Variants in CD69 observed in about 807,000 individuals in gnomAD.
The protein encoded by CD69 is CD69 molecule.
Under a neutral mutation model 21.4 loss-of-function variants are expected in CD69, and 10 were observed. That is an observed-to-expected ratio of 0.47 (90% CI 0.29 to 0.79). The LOEUF (loss-of-function observed/expected upper bound fraction) is 0.79, where lower values mean the gene tolerates loss of function less well. Ranked by LOEUF, CD69 falls within the 30% of genes least tolerant of loss-of-function variation. The pLI is 0.09. For missense variants in CD69, 204 were observed against 236.9 expected (o/e 0.86, Z 0.91); for synonymous variants, 63 against 78.2 (o/e 0.81, Z 1.03).
Position 9,753,601 on chromosome 12 carries a change from TA to T in CD69, c.492-13del. 6 of 1,260,830 alleles carry T rather than the reference TA, an allele frequency of 4.8e-6. No homozygotes were observed. The highest frequency in any genetic ancestry group is 2.0e-5 in the Admixed American group (1 of 50,386). 78.1% of individuals were successfully genotyped at this position (1,260,830 alleles called of 1,614,324 possible). On this transcript the variant is annotated splice_polypyrimidine_tract_variant and intron_variant, in intron 4 of 4. Transcript: ENST00000228434. ...CTGTAACGTTGAACCTGTCAAACAA[TA>T]AAAAAACTTAGAATTATTTTCAGCT...
intron 4 of CD69, chr12:9,754,366 T>C (rs1866657978): frequency 3.0e-6 from 1 of 328,558 alleles, no homozygotes; most frequent in Non-Finnish European, 5.6e-6. Context: ...TGAGAAAAAT[T>C]ACTATAAGCA....
chr12:9,757,364 A>G (rs1866687964), intron 1 of CD69, among the ~76,000 whole-genome samples: 1 of 152,178 alleles, frequency 6.6e-6, no homozygotes. Context: ...TTCTTATAAA[A>G]TTAAATATAT....
chr12:9,754,691 C>T lies in CD69; in HGVS notation c.388-1G>A. The T allele has an allele frequency of 6.3e-7, 1 of 1,585,698 alleles. No individual in the cohort carries two copies. The highest frequency in any genetic ancestry group is 8.7e-7 in the Non-Finnish European group (1 of 1,154,154). ...TACCTGCGTATCGTTTTAGAAAGTT[C>T]TTAAAGAAAGCACAAAGGAGTTTGT... is the stretch of plus-strand genomic sequence containing the variant. On this transcript the variant is annotated splice_acceptor_variant, in intron 3 of 4. Transcript: ENST00000228434. LOFTEE classifies it high-confidence loss of function.
At chr12:9,754,926 G>C (rs1866665721) in intron 3 of CD69, 136 bp downstream of exon 3, 3 of 769,958 alleles carry the variant, frequency 3.9e-6, no homozygotes, top group Non-Finnish European at 6.3e-6. Context: ...TGGTTCTCTG[G>C]GATGACATTT....
Position 9,754,581 on chromosome 12 carries a change from A to G in CD69, c.491+6T>C. 1 of 1,541,666 alleles carries G rather than the reference A, an allele frequency of 6.5e-7. No individual in the cohort carries two copies. Among genetic ancestry groups the G allele is most frequent in the Non-Finnish European group, 9.0e-7 (1 of 1,113,978 alleles). On this transcript the variant is annotated splice_donor_region_variant and intron_variant, in intron 4 of 4. Transcript: ENST00000228434. ...GGGGAATATAAAGAGACTTCTGGAG[A>G]CTTACCAGTTGTTAAATTCTTTGCC...
intron 2 of CD69, 32 bp from the exon 3 acceptor site, chr12:9,755,293 C>G: frequency 6.4e-7 from 1 of 1,556,694 alleles, no homozygotes. Context: ...GTTTTAGTAA[C>G]AAAAGAAACC....
chr12:9,753,536 C>A lies in CD69; in HGVS notation c.545G>T (p.Ser182Ile), dbSNP rs780329827. ...KCVFLKNTEVSSMECEKNLYW... is the reference protein window; with the variant it reads ...KCVFLKNTEVISMECEKNLYW... ...TAAATTCTTCTCACATTCCATGCTGCTGACCTCTGTGTTTTTCAGAAAAAC... is the reference window on the plus strand; with the variant it reads ...TAAATTCTTCTCACATTCCATGCTGATGACCTCTGTGTTTTTCAGAAAAAC... The change falls in exon 5 of 5, where the codon AGC becomes ATC. Residue 182 changes from serine to isoleucine, a missense_variant. Transcript: ENST00000228434. The A allele has an allele frequency of 5.2e-5, 82 of 1,591,734 alleles. 1 individual carries two copies. The South Asian group carries it at 8.8e-4, about 17-fold the overall frequency.
chr12:9,756,939 T>C (rs1866684567), intron 1 of CD69, among the ~76,000 whole-genome samples: 1 of 151,946 alleles, frequency 6.6e-6, no homozygotes, highest in Non-Finnish European at 1.5e-5. Context: ...AATTAGCTGG[T>C]CATGGTGGCA....
Position 9,760,617 on chromosome 12 carries a change from C to G in CD69, c.64+140G>C. ...TCCTTCCCTAACAACCATTAGATAT[C>G]ACATACATAGAGATTAGCAGTATAT... On this transcript the variant is annotated intron_variant, in intron 1 of 4. Coordinates refer to ENST00000228434, the MANE Select transcript of CD69 (RefSeq NM_001781.2). 3 of 558,544 alleles carry G rather than the reference C, an allele frequency of 5.4e-6. No individual in the cohort carries two copies. In the South Asian group the frequency reaches 8.8e-5, roughly 16 times the overall value. 34.6% of individuals were successfully genotyped at this position (558,544 alleles called of 1,614,324 possible).
intron 2 of CD69, among the ~76,000 whole-genome samples, chr12:9,755,651 T>C (rs1866673339): frequency 6.6e-6 from 1 of 152,234 alleles, no homozygotes; most frequent in South Asian, 2.1e-4. Context: ...GCAGTATTTA[T>C]AGCACTAGGC....
At chr12:9,759,086 C>T (rs3136566) in intron 1 of CD69, among the ~76,000 whole-genome samples, 16,213 of 151,376 alleles carry the variant, frequency 0.11, 867 homozygotes, top group Middle Eastern at 0.18. Context: ...CCCGCCCCCA[C>T]GCCCGGCTAA....
rs1028945720 is a variant in CD69, at chr12:9,755,269, C to T, written c.188-8G>A. Reference sequence around the variant, plus strand: ...GACAATTGTATTGGCCCACTGTGAACAGAAAAATGCTTTGTTTTAGTAACA... The same window carrying T: ...GACAATTGTATTGGCCCACTGTGAATAGAAAAATGCTTTGTTTTAGTAACA... On this transcript the variant is annotated splice_polypyrimidine_tract_variant and splice_region_variant and intron_variant, in intron 2 of 4. Transcript: ENST00000228434. 2 of 1,611,428 alleles carry T rather than the reference C, an allele frequency of 1.2e-6. No homozygotes were observed. Among genetic ancestry groups the T allele is most frequent in the Non-Finnish European group, 1.7e-6 (2 of 1,177,832 alleles).
Position 9,753,410 on chromosome 12 carries a change from A to G in CD69, c.*71T>C. ...CTCTATGGAAGACTTCGGACCACAGAGCAGCATCCACTGACACAGATTTCC... is the reference window on the plus strand; with the variant it reads ...CTCTATGGAAGACTTCGGACCACAGGGCAGCATCCACTGACACAGATTTCC... On this transcript the variant is annotated 3_prime_UTR_variant, in exon 5 of 5. Transcript: ENST00000228434. The G allele has an allele frequency of 1.5e-6, 1 of 657,974 alleles. No individual in the cohort carries two copies. Among genetic ancestry groups the G allele is most frequent in the Non-Finnish European group, 2.6e-6 (1 of 379,396 alleles). 40.8% of individuals were successfully genotyped at this position (657,974 alleles called of 1,614,324 possible).
intron 1 of CD69, among the ~76,000 whole-genome samples, chr12:9,759,755 C>G (rs771631413): frequency 6.6e-6 from 1 of 152,164 alleles, no homozygotes; most frequent in African/African-American, 2.4e-5. Flanking sequence ...ATAGATCGCT[C>G]TTGCTGACAA....
chr12:9,756,197 C>T, intron 2 of CD69, 100 bp downstream of exon 2: 1 of 1,064,212 alleles, frequency 9.4e-7, no homozygotes, highest in Non-Finnish European at 1.4e-6. Flanking sequence ...TCTGAATTAG[C>T]TAGTTTCTGA....
At chr12:9,760,384 A>ACTC (rs1866722825) in intron 1 of CD69, among the ~76,000 whole-genome samples, 1 of 152,226 alleles carries the variant, frequency 6.6e-6, no homozygotes, top group Admixed American at 6.5e-5. Context: ...ATGATGGAGA[A>ACTC]TAACTGGGCT....
At chr12:9,760,427 C>G (rs1866723195) in intron 1 of CD69, among the ~76,000 whole-genome samples, 1 of 152,154 alleles carries the variant, frequency 6.6e-6, no homozygotes, top group East Asian at 1.9e-4. Flanking sequence ...AATCTAAACA[C>G]TGAGATGATA....
chr12:9,755,302 C>A (rs1490023402), intron 2 of CD69, 41 bp from the exon 3 acceptor site: 3 of 1,522,150 alleles, frequency 2.0e-6, no homozygotes, highest in African/African-American at 2.7e-5. Flanking sequence ...ACAAAAGAAA[C>A]CAAATACCCA....
At chr12:9,753,734 A>AGCT in intron 4 of CD69, 145 bp from the exon 5 acceptor site, 1 of 412,304 alleles carries the variant, frequency 2.4e-6, no homozygotes, top group South Asian at 6.1e-5. Context: ...ACTAATCTGT[A>AGCT]GAGACAATGG....
Sources: gnomAD v4.1 joint callset for allele counts (sites outside exome capture counted in the v4.1 genomes callset) on GRCh38, gnomAD v4.1.1 for gene constraint, MANE v1.5 for transcripts, NCBI Gene and HGNC (gene_info 2026-07-23, HGNC 2026-07-21) for gene names.